The following BTG1 variants were observed in gnomAD, a reference collection of about 807,000 sequenced individuals.
BTG1 encodes BTG anti-proliferation factor 1, also known as protein BTG1.
Under a neutral mutation model 15.2 loss-of-function variants are expected in BTG1, and 2 were observed. That is an observed-to-expected ratio of 0.13 (90% confidence interval 0.05 to 0.41). The LOEUF is 0.41. Among genes scored for constraint, BTG1 ranks in the 10% least tolerant of loss-of-function variants. BTG1 has a pLI of 0.99. For synonymous variants in BTG1, 109 were observed against 82.4 expected, an observed-to-expected ratio of 1.32 and a Z score of -1.75; for missense variants, 149 against 215.0, an observed-to-expected ratio of 0.69 and a Z score of 1.92.
In BTG1 at chr12:92,143,694, A is replaced by T. The variant is rs941043084; in HGVS notation, c.*386T>A. 1 of 263,656 alleles carries T rather than the reference A, an allele frequency of 3.8e-6. No homozygotes were observed. Among genetic ancestry groups the T allele is most frequent in the Non-Finnish European group, 7.2e-6 (1 of 138,074 alleles). 16.3% of individuals were successfully genotyped at this position (263,656 alleles called of 1,614,324 possible). ...AGCTGCCGAAAAGGTTAACAATAAC[A>T]ACTTTCAAGTGTAATAGTGCAAATT... On this transcript the variant is annotated 3_prime_UTR_variant, in exon 2 of 2. Coordinates refer to ENST00000256015, the MANE Select transcript of BTG1 (RefSeq NM_001731.3).
In BTG1 at chr12:92,141,952, T is replaced by A. The variant is rs1870259939; in HGVS notation, c.*2128A>T. 4 of 232,014 alleles carry A rather than the reference T, an allele frequency of 1.7e-5. 1 individual carries two copies. In the South Asian group the frequency reaches 7.3e-4, roughly 42 times the overall value. 14.4% of individuals were successfully genotyped at this position (232,014 alleles called of 1,614,324 possible). ...GTTTCAATGGAGTTACCAGATGAAATGTAGTTGGTAAACAACAGTAGTCAG... is the reference window on the plus strand; with the variant it reads ...GTTTCAATGGAGTTACCAGATGAAAAGTAGTTGGTAAACAACAGTAGTCAG... On this transcript the variant is annotated 3_prime_UTR_variant, in exon 2 of 2. Coordinates refer to ENST00000256015, the MANE Select transcript of BTG1 (RefSeq NM_001731.3).
rs758512682 is a variant in BTG1, at chr12:92,145,466, T to TG, written c.69dup (p.Lys24GlnfsTer30). 1 of 1,591,638 alleles carries TG rather than the reference T, an allele frequency of 6.3e-7. No individual in the cohort carries two copies. The highest frequency in any genetic ancestry group is 1.1e-5 in the South Asian group (1 of 88,900). On this transcript the variant is annotated frameshift_variant, in exon 1 of 2. Coordinates refer to ENST00000256015, the MANE Select transcript of BTG1 (RefSeq NM_001731.3). LOFTEE classifies it high-confidence loss of function. ...GTGAGCCCCTTGGTGCGGAGAAACT[T>TG]GGAGATGAAGGACACGGCGGCGGCG...
Position 92,142,012 on chromosome 12 carries a change from C to G in BTG1, c.*2068G>C, listed in dbSNP as rs1460645591. 3.0e-5 allele frequency: 7 copies of G among 231,750 alleles called. No individual in the cohort carries two copies. Among genetic ancestry groups the G allele is most frequent in the Non-Finnish European group, 6.0e-5 (7 of 117,206 alleles). The allele number at this position is 231,750 out of a possible 1,614,324, so 14.4% of individuals were successfully genotyped here. A position where few individuals can be genotyped will look rare whatever the true frequency, so the allele number is the denominator to read the frequency against. On this transcript the variant is annotated 3_prime_UTR_variant, in exon 2 of 2. Coordinates refer to ENST00000256015, the MANE Select transcript of BTG1 (RefSeq NM_001731.3). ...GAGACCCATTTAAAAACAACCCTACCTGGTGTTTTTATTGTAATTCAAGTT... is the reference window on the plus strand; with the variant it reads ...GAGACCCATTTAAAAACAACCCTACGTGGTGTTTTTATTGTAATTCAAGTT...
rs768708869 is a variant in BTG1 at position 92,144,169 on chromosome 12, C to A, written c.427G>T (p.Val143Leu). 4.3e-6 allele frequency: 7 copies of A among 1,614,180 alleles called. No individual in the cohort carries two copies. The East Asian group carries it at 1.6e-4, about 36-fold the overall frequency. Residue 143 changes from valine (V) to leucine (L), a missense_variant, in exon 2 of 2, where the codon GTA (valine) becomes TTA (leucine). Physicochemically the swap from Val to Leu is conservative, Grantham distance 32. Transcript: ENST00000256015. ...STQNSTNVQM[V>L]DSRISCKEEL... ...TCCTTACAGCTGATTCGGCTGTCTACCATTTGCACGTTGGTGCTGTTTTGA... is the reference window on the plus strand; with the variant it reads ...TCCTTACAGCTGATTCGGCTGTCTAACATTTGCACGTTGGTGCTGTTTTGA...
chr12:92,144,444 T>C lies in BTG1; in HGVS notation c.152A>G (p.His51Arg). Residue 51 changes from histidine (H) to arginine (R), a missense_variant, in exon 2 of 2, where the codon CAT (histidine) becomes CGT (arginine). Coordinates refer to ENST00000256015, the MANE Select transcript of BTG1 (RefSeq NM_001731.3). Reference sequence around the variant, plus strand: ...TTCTGGGAACCAGTGATGTTTATAATGTTCTATAGAAGAAAAGAAGAACAG... The same window carrying C: ...TTCTGGGAACCAGTGATGTTTATAACGTTCTATAGAAGAAAAGAAGAACAG... Reference protein sequence around the residue: ...SQSLQELLAEHYKHHWFPEKP... With the variant: ...SQSLQELLAERYKHHWFPEKP... 6.2e-7 allele frequency: 1 copy of C among 1,613,168 alleles called. No individual in the cohort carries two copies. The highest frequency in any genetic ancestry group is 1.1e-5 in the South Asian group (1 of 90,908).
chr12:92,141,863 C>A lies in BTG1; in HGVS notation c.*2217G>T. 4.3e-6 allele frequency: 1 copy of A among 230,786 alleles called. No individual in the cohort carries two copies. The highest frequency in any genetic ancestry group is 6.1e-5 in the East Asian group (1 of 16,334). The allele number at this position is 230,786 out of a possible 1,614,324, so 14.3% of individuals were successfully genotyped here. A position where few individuals can be genotyped will look rare whatever the true frequency, so the allele number is the denominator to read the frequency against. ...TGAAAAAGTCTGATGTCAAGATCTT[C>A]AAAAACAACTTTCCATTTGAAAAAA... On this transcript the variant is annotated 3_prime_UTR_variant, in exon 2 of 2. Transcript: ENST00000256015.
In BTG1 at chr12:92,143,310, A is replaced by G. The variant is rs1257211616; in HGVS notation, c.*770T>C. The stretch of plus-strand genomic sequence containing the variant: ...CAAAATAGATGGTGGTTTGTGGAAA[A>G]GACTTTTACCCAATTAAGTACAAGG... On this transcript the variant is annotated 3_prime_UTR_variant, in exon 2 of 2. Coordinates refer to ENST00000256015, the MANE Select transcript of BTG1 (RefSeq NM_001731.3). 3 of 232,918 alleles carry G rather than the reference A, an allele frequency of 1.3e-5. No homozygotes were observed. Among genetic ancestry groups the G allele is most frequent in the Non-Finnish European group, 1.7e-5 (2 of 117,650 alleles). 14.4% of individuals were successfully genotyped at this position (232,918 alleles called of 1,614,324 possible).
chr12:92,145,571 G>C lies in BTG1; in HGVS notation c.-36C>G. On this transcript the variant is annotated 5_prime_UTR_variant, in exon 1 of 2. Coordinates refer to ENST00000256015, the MANE Select transcript of BTG1 (RefSeq NM_001731.3). ...TGCGGGGGCGGCCCGGGGCGGCTGG[G>C]GCTCGGCGGCGCGGCCCCGACGGCG... 1 of 1,290,748 alleles carries C rather than the reference G, an allele frequency of 7.7e-7. No homozygotes were observed. The highest frequency in any genetic ancestry group is 9.8e-7 in the Non-Finnish European group (1 of 1,015,462). The allele number at this position is 1,290,748 out of a possible 1,614,324, so 80.0% of individuals were successfully genotyped here. A position where few individuals can be genotyped will look rare whatever the true frequency, so the allele number is the denominator to read the frequency against.
At chr12:92,144,562 A>T in intron 1 of BTG1, 115 bp from the exon 2 acceptor site, 1 of 1,403,602 alleles carries the variant, frequency 7.1e-7, no homozygotes. Flanking sequence ...CAACTTTTTA[A>T]AATGTCCAGG....
Position 92,145,532 on chromosome 12 carries a change from G to A in BTG1, c.4C>T (p.His2Tyr), listed in dbSNP as rs1297078510. The change falls in exon 1 of 2, where the codon CAT (histidine) becomes TAT (tyrosine). Residue 2 changes from histidine (H) to tyrosine (Y), a missense_variant. Physicochemically the swap from His to Tyr is moderately conservative, Grantham distance 83. Transcript: ENST00000256015. ...GTGGCGGCCCGGGTGTAGAAGGGAT[G>A]CATGGGGGCGGCGTGCGGGGGCGGC... M[H>Y]PFYTRAATMI... The A allele has an allele frequency of 6.6e-7, 1 of 1,508,386 alleles. No homozygotes were observed. The highest frequency in any genetic ancestry group is 8.9e-7 in the Non-Finnish European group (1 of 1,124,542). The allele number at this position is 1,508,386 out of a possible 1,614,324, so 93.4% of individuals were successfully genotyped here. A position where few individuals can be genotyped will look rare whatever the true frequency, so the allele number is the denominator to read the frequency against.
At chr12:92,145,295 C>A in intron 1 of BTG1, 93 bp downstream of exon 1, 2 of 1,350,422 alleles carry the variant, frequency 1.5e-6, no homozygotes, top group East Asian at 3.0e-5. Context: ...CGACCGGCCC[C>A]GGGGCGCTGC....
chr12:92,140,836 T>A lies in BTG1; in HGVS notation c.*3244A>T. On this transcript the variant is annotated 3_prime_UTR_variant, in exon 2 of 2. Transcript: ENST00000256015. ...ATCCAAGATATACTTTTTGAAGACT[T>A]CCATGCATAGATAAAACTATTGACA... 4.3e-6 allele frequency: 1 copy of A among 232,568 alleles called. No individual in the cohort carries two copies. Among genetic ancestry groups the A allele is most frequent in the Non-Finnish European group, 8.5e-6 (1 of 117,614 alleles). The allele number at this position is 232,568 out of a possible 1,614,324, so 14.4% of individuals were successfully genotyped here.
rs1311706032 is a variant in BTG1 at position 92,144,080 on chromosome 12, T to C, written c.516A>G (p.Ter172=). ...KNYNMMTVSG[*] ...AGATGATCCATCCACAGACTATATCTTAACCTGATACAGTCATCATATTGT... is the reference window on the plus strand; with the variant it reads ...AGATGATCCATCCACAGACTATATCCTAACCTGATACAGTCATCATATTGT... Residue 172 remains the stop codon, a stop_retained_variant, in exon 2 of 2, where the codon TAA becomes TAG. Transcript: ENST00000256015. 3 of 1,611,802 alleles carry C rather than the reference T, an allele frequency of 1.9e-6. No individual in the cohort carries two copies. Among genetic ancestry groups the C allele is most frequent in the Non-Finnish European group, 2.5e-6 (3 of 1,179,832 alleles).
chr12:92,145,627 G>A lies in BTG1; in HGVS notation c.-92C>T. 2.1e-6 allele frequency: 2 copies of A among 941,238 alleles called. No individual in the cohort carries two copies. The highest frequency in any genetic ancestry group is 2.8e-6 in the Non-Finnish European group (2 of 712,270). The allele number at this position is 941,238 out of a possible 1,614,324, so 58.3% of individuals were successfully genotyped here. On this transcript the variant is annotated 5_prime_UTR_variant, in exon 1 of 2. Coordinates refer to ENST00000256015, the MANE Select transcript of BTG1 (RefSeq NM_001731.3). ...GCCACCCCGGGCTTCCTCACCGGGC[G>A]GAAGGCTGAGAGGAAGAGAGGGCGT...
Position 92,145,752 on chromosome 12 carries a change from C to T in BTG1, c.-217G>A, listed in dbSNP as rs1341296769. On this transcript the variant is annotated 5_prime_UTR_variant, in exon 1 of 2. Coordinates refer to ENST00000256015, the MANE Select transcript of BTG1 (RefSeq NM_001731.3). Reference sequence around the variant, plus strand: ...GAGAGGAAGAGACGAGCGATGGCGGCCTGGTCACATCGCTCGGACCTCCCC... The same window carrying T: ...GAGAGGAAGAGACGAGCGATGGCGGTCTGGTCACATCGCTCGGACCTCCCC... The T allele has an allele frequency of 1.7e-4, 53 of 304,400 alleles. No homozygotes were observed. Among genetic ancestry groups the T allele is most frequent in the Non-Finnish European group, 1.2e-5 (2 of 167,760 alleles). 18.9% of individuals were successfully genotyped at this position (304,400 alleles called of 1,614,324 possible).
At position 92,142,448 on chromosome 12, in the gene BTG1, AG is replaced by A; in HGVS notation, c.*1631del. ...ACGCTGTTATCCTCTACAACTAAACAGCAAGTCCTTCTATTATATGGGGTAG... is the reference window on the plus strand; with the variant it reads ...ACGCTGTTATCCTCTACAACTAAACACAAGTCCTTCTATTATATGGGGTAG... On this transcript the variant is annotated 3_prime_UTR_variant, in exon 2 of 2. Transcript: ENST00000256015. 1 of 231,868 alleles carries A rather than the reference AG, an allele frequency of 4.3e-6. No homozygotes were observed. The highest frequency in any genetic ancestry group is 8.5e-6 in the Non-Finnish European group (1 of 117,202). 14.4% of individuals were successfully genotyped at this position (231,868 alleles called of 1,614,324 possible). A position where few individuals can be genotyped will look rare whatever the true frequency, so the allele number is the denominator to read the frequency against.
intron 1 of BTG1, 98 bp downstream of exon 1, chr12:92,145,290 G>T: frequency 7.5e-7 from 1 of 1,331,908 alleles, no homozygotes; most frequent in South Asian, 1.9e-5. Context: ...AAGCGCGACC[G>T]GCCCCGGGGC....
At position 92,143,931 on chromosome 12, in the gene BTG1, T is replaced by A. The variant is rs1397620199; in HGVS notation, c.*149A>T. ...CAAACTATGGCACTGTCACTTAAAA[T>A]TTTTTTTTTTTTTACCATTCTATCT... On this transcript the variant is annotated 3_prime_UTR_variant, in exon 2 of 2. Transcript: ENST00000256015. 1.0e-4 allele frequency: 49 copies of A among 473,044 alleles called. No individual in the cohort carries two copies. The highest frequency in any genetic ancestry group is 1.6e-4 in the South Asian group (4 of 25,010). The allele number at this position is 473,044 out of a possible 1,614,324, so 29.3% of individuals were successfully genotyped here.
chr12:92,143,795 G>A lies in BTG1; in HGVS notation c.*285C>T. ...TTAAAAGGATTGATGTAAAAATTTAGGTATGTCTGGGAGAAACTGAAACCA... is the reference window on the plus strand; with the variant it reads ...TTAAAAGGATTGATGTAAAAATTTAAGTATGTCTGGGAGAAACTGAAACCA... On this transcript the variant is annotated 3_prime_UTR_variant, in exon 2 of 2. Transcript: ENST00000256015. 3.0e-6 allele frequency: 1 copy of A among 335,926 alleles called. No individual in the cohort carries two copies. The allele number at this position is 335,926 out of a possible 1,614,324, so 20.8% of individuals were successfully genotyped here. A position where few individuals can be genotyped will look rare whatever the true frequency, so the allele number is the denominator to read the frequency against.
Sources: allele counts gnomAD v4.1 joint callset, GRCh38; gene constraint gnomAD v4.1.1; transcripts MANE v1.5; gene names NCBI Gene and HGNC (gene_info 2026-07-23, HGNC 2026-07-21).